The following LIN9 variants were observed in gnomAD, a reference collection of about 807,000 sequenced individuals.
The protein encoded by LIN9 is lin-9 DREAM MuvB core complex component.
LIN9 carries 18 observed loss-of-function variants against 78.0 expected under a neutral mutation model. The observed-to-expected ratio is 0.23, with a 90% CI of 0.16 to 0.34. The LOEUF is 0.34. LIN9 is among the 10% of genes least tolerant of loss of function. The pLI is 1.00. For missense variants in LIN9, 451 were observed against 644.1 expected (o/e 0.70, Z 3.25); for synonymous variants, 192 against 215.2 (o/e 0.89, Z 0.94).
In LIN9 at chr1:226,286,427, C is replaced by G; in HGVS notation, c.430G>C (p.Val144Leu). The change falls in exon 6 of 15, where the codon GTA becomes CTA. Residue 144 changes from valine to leucine, a missense_variant. Coordinates refer to ENST00000681046, the MANE Select transcript of LIN9 (RefSeq NM_001366245.2). ...PLFEGDNDFCVCLKESFPNLK... is the reference protein window; with the variant it reads ...PLFEGDNDFCLCLKESFPNLK... ...TTAGGAAAAGATTCCTTTAGACATA[C>G]ACAGAAGTCATTATCACCTTCAAAA... The G allele has an allele frequency of 6.2e-7, 1 of 1,602,900 alleles. No homozygotes were observed. The highest frequency in any genetic ancestry group is 8.5e-7 in the Non-Finnish European group (1 of 1,172,154).
At chr1:226,274,372 T>C (rs1660498390) in intron 7 of LIN9, among the ~76,000 whole-genome samples, 1 of 152,222 alleles carries the variant, frequency 6.6e-6, no homozygotes, top group Non-Finnish European at 1.5e-5. Context: ...TCCATATCAG[T>C]GCTCCTCTTA....
chr1:226,247,299 ACTGTCTACAGT>A (rs1252133543), intron 11 of LIN9, among the ~76,000 whole-genome samples: 1 of 152,124 alleles, frequency 6.6e-6, no homozygotes, highest in Non-Finnish European at 1.5e-5. Context: ...TAGTCTACCT[ACTGTCTACAGT>A]TGATTTTCTT....
chr1:226,274,240 T>C (rs1038035861), intron 7 of LIN9, among the ~76,000 whole-genome samples: 3 of 152,254 alleles, frequency 2.0e-5, no homozygotes, highest in Non-Finnish European at 2.9e-5. Context: ...TGGTGCTCTA[T>C]GGTCCTTTCC....
chr1:226,264,800 G>A (rs575035328), intron 10 of LIN9, among the ~76,000 whole-genome samples: 1 of 152,182 alleles, frequency 6.6e-6, no homozygotes, highest in South Asian at 2.1e-4. Flanking sequence ...AGTGAGCCCA[G>A]ACTGACCCAC....
At chr1:226,300,257 T>C (rs1662440786) in intron 2 of LIN9, among the ~76,000 whole-genome samples, 1 of 151,996 alleles carries the variant, frequency 6.6e-6, no homozygotes, top group African/African-American at 2.4e-5. Context: ...CTCTTAAAAA[T>C]AAGCTATTAC....
chr1:226,309,630 C>G (rs1315336067), upstream of LIN9: 4 of 1,272,168 alleles, frequency 3.1e-6, no homozygotes, highest in Middle Eastern at 2.2e-4. Context: ...ACTCACAGTT[C>G]CCGAAACCCA....
chr1:226,237,926 C>G (rs1305381370), intron 12 of LIN9, among the ~76,000 whole-genome samples: 2 of 149,570 alleles, frequency 1.3e-5, no homozygotes, highest in African/African-American at 4.9e-5. Context: ...GCACTCCAGC[C>G]TGGGCAACAG....
At chr1:226,251,804 C>T (rs1658852502) in intron 10 of LIN9, among the ~76,000 whole-genome samples, 1 of 152,122 alleles carries the variant, frequency 6.6e-6, no homozygotes, top group African/African-American at 2.4e-5. Context: ...AATTTGCAGA[C>T]CAGTAAGAAC....
At chr1:226,275,209 CTTGATATAATTT>C (rs1406496205) in intron 7 of LIN9, among the ~76,000 whole-genome samples, 1 of 152,164 alleles carries the variant, frequency 6.6e-6, no homozygotes, top group African/African-American at 2.4e-5. Context: ...GCCCTGTGAA[CTTGATATAATTT>C]CCATAAGTCA....
intron 5 of LIN9, 143 bp downstream of exon 5, chr1:226,287,521 C>T: frequency 1.8e-6 from 1 of 546,274 alleles, no homozygotes; most frequent in Non-Finnish European, 3.1e-6. Flanking sequence ...TAGAATAGAT[C>T]CAACTGGAAT....
chr1:226,273,814 A>C lies in LIN9; in HGVS notation c.682+3961T>G, dbSNP rs182752288. On this transcript the variant is annotated intron_variant, in intron 7 of 14. Coordinates refer to ENST00000681046, the MANE Select transcript of LIN9 (RefSeq NM_001366245.2). ...TGAGCCACAATGGGCTAGGAACTAC[A>C]ATGCTCCCTCTCAACATTACTTTTT... Among the ~76,000 whole-genome samples, 511 of 151,124 alleles carry C rather than the reference A, an allele frequency of 3.4e-3. 1 individual carries two copies. Among genetic ancestry groups the C allele is most frequent in the Non-Finnish European group, 5.2e-3 (353 of 67,892 alleles).
intron 3 of LIN9, among the ~76,000 whole-genome samples, chr1:226,297,473 TGTA>T (rs1420630184): frequency 6.6e-6 from 1 of 152,220 alleles, no homozygotes; most frequent in East Asian, 1.9e-4. Flanking sequence ...AAGTATAAGT[TGTA>T]GTTTTTGTTT....
chr1:226,291,365 G>T (rs1455799023), intron 4 of LIN9, among the ~76,000 whole-genome samples: 1 of 151,900 alleles, frequency 6.6e-6, no homozygotes, highest in Non-Finnish European at 1.5e-5. Flanking sequence ...CTCAAAAAAA[G>T]ACAGTGAAAA....
chr1:226,301,021 A>G, intron 2 of LIN9, 152 bp downstream of exon 2: 1 of 464,962 alleles, frequency 2.2e-6, no homozygotes. Context: ...TTCTCCTATA[A>G]AAGCATATTA....
intron 1 of LIN9, among the ~76,000 whole-genome samples, chr1:226,302,371 G>A (rs186612286): frequency 2.4e-4 from 37 of 152,140 alleles, no homozygotes; most frequent in African/African-American, 8.2e-4. Context: ...GTGAAAACCC[G>A]TCTCTACTAA....
chr1:226,244,868 T>C (rs1201617726), intron 11 of LIN9, among the ~76,000 whole-genome samples: 1 of 152,222 alleles, frequency 6.6e-6, no homozygotes, highest in Non-Finnish European at 1.5e-5. Flanking sequence ...TAACTTATAT[T>C]CCCACCTAAA....
intron 6 of LIN9, among the ~76,000 whole-genome samples, chr1:226,283,681 C>T (rs1661216432): frequency 6.6e-6 from 1 of 152,078 alleles, no homozygotes; most frequent in Non-Finnish European, 1.5e-5. Context: ...GGCATGGTAG[C>T]TCATACCCAT....
chr1:226,239,644 T>C (rs1657974516), intron 11 of LIN9, among the ~76,000 whole-genome samples: 1 of 152,248 alleles, frequency 6.6e-6, no homozygotes, highest in East Asian at 1.9e-4. Flanking sequence ...AAATGGGGAT[T>C]ATAAGAATAT....
At chr1:226,307,933 T>C (rs556338758) in intron 1 of LIN9, among the ~76,000 whole-genome samples, 1 of 152,222 alleles carries the variant, frequency 6.6e-6, no homozygotes, top group Admixed American at 6.5e-5. Flanking sequence ...CTCTATCAAA[T>C]TTAAAACACA....
Sources: allele counts gnomAD v4.1 joint callset (sites outside exome capture counted in the v4.1 genomes callset), GRCh38; gene constraint gnomAD v4.1.1; transcripts MANE v1.5; gene names NCBI Gene and HGNC (gene_info 2026-07-23, HGNC 2026-07-21).